The following MCF2 variants were observed in gnomAD, a reference collection of about 807,000 sequenced individuals.
The protein encoded by MCF2 is proto-oncogene DBL.
Under a neutral mutation model 82.5 loss-of-function variants are expected in MCF2, and 44 were observed. The observed-to-expected ratio is 0.53, with a 90% CI of 0.42 to 0.69. The LOEUF is 0.69. Among genes scored for constraint, MCF2 ranks in the 30% least tolerant of loss-of-function variants. The probability of loss-of-function intolerance (pLI) is 0.00; values close to 1 mark genes in which losing one functional copy is unlikely to be tolerated. For missense variants in MCF2, 623 were observed against 663.1 expected (o/e 0.94, Z 0.66); for synonymous variants, 217 against 224.9 (o/e 0.96, Z 0.32).
chrX:139,653,170 A>G (rs1934088607), intron 1 of MCF2, among the ~76,000 whole-genome samples: 1 of 112,135 alleles, frequency 8.9e-6, no homozygotes, highest in South Asian at 3.7e-4. Flanking sequence ...ATGTGTTTAT[A>G]ACAGCTACAA....
intron 21 of MCF2, 41 bp from the exon 26 acceptor site, chrX:139,587,829 A>G (rs1358729962): frequency 1.2e-6 from 1 of 843,583 alleles, no homozygotes; most frequent in Admixed American, 2.3e-5. Context: ...CAGAAGTCAC[A>G]CTTCTTACTT....
intron 1 of MCF2, among the ~76,000 whole-genome samples, chrX:139,641,630 C>T (rs1398608995): frequency 9.0e-6 from 1 of 110,908 alleles, no homozygotes; most frequent in African/African-American, 3.3e-5. Context: ...ATATTTTAAA[C>T]CATAACATCA....
At chrX:139,605,553 A>G (rs1569352717) in intron 13 of MCF2, among the ~76,000 whole-genome samples, 160 bp downstream of exon 17, 2 of 111,129 alleles carry the variant, frequency 1.8e-5, no homozygotes, top group African/African-American at 3.3e-5. Flanking sequence ...TGCACGTTTA[A>G]CCGACATGCT....
intron 1 of MCF2, among the ~76,000 whole-genome samples, chrX:139,675,461 T>G (rs1372709339): frequency 8.9e-6 from 1 of 112,558 alleles, no homozygotes; most frequent in Non-Finnish European, 1.9e-5. Flanking sequence ...GTCTTTAATG[T>G]TGGTGACCTA....
chrX:139,600,335 G>T (rs888813235), intron 16 of MCF2, among the ~76,000 whole-genome samples: 1 of 111,444 alleles, frequency 9.0e-6, no homozygotes, highest in African/African-American at 3.3e-5. Flanking sequence ...TAAATGGCAT[G>T]AAAATCTAAA....
chrX:139,596,993 C>A (rs1446433488), intron 18 of MCF2, among the ~76,000 whole-genome samples: 1 of 111,248 alleles, frequency 9.0e-6, no homozygotes, highest in Non-Finnish European at 1.9e-5. Context: ...GGCTTCATAT[C>A]ATCTGGAGGT....
intron 1 of MCF2, among the ~76,000 whole-genome samples, chrX:139,655,587 T>C (rs930519388): frequency 2.7e-5 from 3 of 111,462 alleles, no homozygotes; most frequent in African/African-American, 9.8e-5. Context: ...TTGTTACATA[T>C]GTATACATGT....
At chrX:139,684,160 C>T (rs1188107139) in intron 1 of MCF2, among the ~76,000 whole-genome samples, 3 of 112,326 alleles carry the variant, frequency 2.7e-5, no homozygotes, top group African/African-American at 9.7e-5. Flanking sequence ...AATCTTAAAT[C>T]AGGCAAATAA....
At chrX:139,600,623 A>G (rs1297699131) in intron 16 of MCF2, among the ~76,000 whole-genome samples, 1 of 111,956 alleles carries the variant, frequency 8.9e-6, no homozygotes, top group African/African-American at 3.2e-5. Flanking sequence ...GTAGCAGTTC[A>G]AGGAATCTGA....
intron 1 of MCF2, among the ~76,000 whole-genome samples, chrX:139,706,302 T>G (rs1046389782): frequency 8.9e-6 from 1 of 112,490 alleles, no homozygotes; most frequent in African/African-American, 3.2e-5. Flanking sequence ...AGCAAAGACA[T>G]GGAGTCAACC....
chrX:139,629,197 C>T (rs1170525261), intron 4 of MCF2, among the ~76,000 whole-genome samples: 1 of 111,916 alleles, frequency 8.9e-6, no homozygotes, highest in East Asian at 2.8e-4. Context: ...GCCTATTGCT[C>T]CTAAGCTACA....
At chrX:139,615,274 G>A (rs1371307424) in intron 9 of MCF2, among the ~76,000 whole-genome samples, 1 of 111,499 alleles carries the variant, frequency 9.0e-6, no homozygotes, top group East Asian at 2.8e-4. Flanking sequence ...TTACCAAGAA[G>A]CAGTCATGAA....
intron 1 of MCF2, among the ~76,000 whole-genome samples, chrX:139,702,132 C>T (rs1330410977): frequency 8.9e-6 from 1 of 111,904 alleles, no homozygotes; most frequent in African/African-American, 3.2e-5. Context: ...ACAGACATCC[C>T]CCTACTCCCA....
chrX:139,684,547 T>C lies in MCF2; in HGVS notation c.-45+23559A>G, dbSNP rs1468102835. ...TATAAGAATGTTCATAACAACATTA[T>C]TCATAATAACCAAAAGGTGGAAACC... On this transcript the variant is annotated intron_variant, in intron 1 of 27. Coordinates refer to the MCF2 transcript ENST00000414978. 3.6e-5 allele frequency among the ~76,000 whole-genome samples: 4 copies of C among 112,390 alleles called. No homozygotes were observed. In the East Asian group the frequency reaches 1.1e-3, roughly 31 times the overall value.
chrX:139,680,991 C>T (rs142586649), intron 1 of MCF2, among the ~76,000 whole-genome samples: 1 of 112,179 alleles, frequency 8.9e-6, no homozygotes, highest in Admixed American at 9.4e-5. Flanking sequence ...AAAAACAGGG[C>T]CACTGCTTTT....
chrX:139,682,220 A>G (rs959966383), intron 1 of MCF2, among the ~76,000 whole-genome samples: 8 of 111,742 alleles, frequency 7.2e-5, no homozygotes, highest in Non-Finnish European at 3.8e-5. Flanking sequence ...TTAGTGTCCC[A>G]GGTTGCTGCT....
intron 2 of MCF2, among the ~76,000 whole-genome samples, chrX:139,650,929 C>G (rs1439575984): frequency 9.0e-6 from 1 of 111,523 alleles, no homozygotes; most frequent in East Asian, 2.8e-4. Context: ...AAGCCAGTCA[C>G]AAAAAGACAC....
chrX:139,622,612 C>T (rs1299052510), intron 6 of MCF2, among the ~76,000 whole-genome samples: 4 of 110,108 alleles, frequency 3.6e-5, no homozygotes, highest in Non-Finnish European at 5.7e-5. Flanking sequence ...CCATCATTCT[C>T]AGCAAACTAT....
intron 6 of MCF2, among the ~76,000 whole-genome samples, chrX:139,622,896 A>G (rs755537607): frequency 9.0e-6 from 1 of 111,341 alleles, no homozygotes; most frequent in South Asian, 3.8e-4. Context: ...ATAAAATAAA[A>G]AAAAACTAAT....
Sources: allele counts gnomAD v4.1 joint callset (sites outside exome capture counted in the v4.1 genomes callset), GRCh38; gene constraint gnomAD v4.1.1; transcripts MANE v1.5; gene names NCBI Gene and HGNC (gene_info 2026-07-23, HGNC 2026-07-21).